Variants in ERCC3 observed in about 807,000 individuals in gnomAD.
ERCC3 encodes the protein general transcription and DNA repair factor IIH helicase/translocase subunit XPB.
ERCC3 carries 66 observed loss-of-function variants against 94.2 expected under a neutral mutation model. The observed-to-expected ratio is 0.70, with a 90% confidence interval of 0.57 to 0.86. The LOEUF (loss-of-function observed/expected upper bound fraction) is 0.86. Among genes scored for constraint, ERCC3 ranks in the 40% least tolerant of loss-of-function variants. ERCC3 has a pLI of 0.00. For missense variants in ERCC3, 829 were observed against 987.1 expected (o/e 0.84, Z 2.15); for synonymous variants, 349 against 369.1 (o/e 0.95, Z 0.63).
At position 127,274,931 on chromosome 2, in the gene ERCC3, G is replaced by A. The variant is rs1032398217; in HGVS notation, c.1731-1970C>T. Among the ~76,000 whole-genome samples, 5 of 152,266 alleles carry A rather than the reference G, an allele frequency of 3.3e-5. No homozygotes were observed. Among genetic ancestry groups the A allele is most frequent in the African/African-American group, 1.2e-4 (5 of 41,554 alleles). ...ACCCCCCACCATCAAGGGACACCAG[G>A]ACCCAGTACACATTGGGTGGCAGTA... On this transcript the variant is annotated intron_variant, in intron 10 of 14. Coordinates refer to ENST00000285398, the MANE Select transcript of ERCC3 (RefSeq NM_000122.2). The surrounding 1 kb of genome is among the most constrained non-coding windows in gnomAD (Gnocchi z 4.0).
intron 10 of ERCC3, among the ~76,000 whole-genome samples, chr2:127,278,168 G>T (rs1240866065): frequency 6.6e-6 from 1 of 151,744 alleles, no homozygotes; most frequent in Non-Finnish European, 1.5e-5. Context: ...AGCCCAGGGG[G>T]TCAAGGCTGC....
In ERCC3 at chr2:127,280,963, A is replaced by G; in HGVS notation, c.1343-332T>C. 2.0e-6 allele frequency: 1 copy of G among 489,988 alleles called. No homozygotes were observed. 30.4% of individuals were successfully genotyped at this position (489,988 alleles called of 1,614,324 possible). ...ATGACTAGGCAAATGCTTCACCATCACTTTTAGACCTGTCCAAAAGAAAAT... is the reference window on the plus strand; with the variant it reads ...ATGACTAGGCAAATGCTTCACCATCGCTTTTAGACCTGTCCAAAAGAAAAT... On this transcript the variant is annotated intron_variant, in intron 8 of 14. Coordinates refer to ENST00000285398, the MANE Select transcript of ERCC3 (RefSeq NM_000122.2). The surrounding 1 kb of genome is among the most constrained non-coding windows in gnomAD (Gnocchi z 6.3).
rs976644506 is a variant in ERCC3 at position 127,274,672 on chromosome 2, A to G, written c.1731-1711T>C. On this transcript the variant is annotated intron_variant, in intron 10 of 14. Coordinates refer to ENST00000285398, the MANE Select transcript of ERCC3 (RefSeq NM_000122.2). The surrounding 1 kb of genome is among the most constrained non-coding windows in gnomAD (Gnocchi z 4.0). ...CACATAATTTTATCATTTTCTATGC[A>G]TGTCATGCAGTGAAAAAGGTTAGAA... Among the ~76,000 whole-genome samples, 14 of 152,284 alleles carry G rather than the reference A, an allele frequency of 9.2e-5. No individual in the cohort carries two copies. Among genetic ancestry groups the G allele is most frequent in the Admixed American group, 2.6e-4 (4 of 15,304 alleles).
At chr2:127,281,846 A>G (rs1459361096) in intron 8 of ERCC3, among the ~76,000 whole-genome samples, 1 of 152,110 alleles carries the variant, frequency 6.6e-6, no homozygotes, top group Non-Finnish European at 1.5e-5. Context: ...CTGGCTCCAA[A>G]ATACAGTAGC....
chr2:127,284,227 T>C lies in ERCC3; in HGVS notation c.1342+2476A>G, dbSNP rs1426593885. Reference sequence around the variant, plus strand: ...ATTTCCAGCACAGCAGCCAGGGCAGTATTTTTACAGTGTAAAGTCAACTCA... The same window carrying C: ...ATTTCCAGCACAGCAGCCAGGGCAGCATTTTTACAGTGTAAAGTCAACTCA... On this transcript the variant is annotated intron_variant, in intron 8 of 14. Coordinates refer to ENST00000285398, the MANE Select transcript of ERCC3 (RefSeq NM_000122.2). This position sits in a 1 kb window ranked among gnomAD's most constrained non-coding sequence, Gnocchi z 4.1. 1 of 152,300 alleles carries C rather than the reference T, an allele frequency of 6.6e-6. No individual in the cohort carries two copies. Among genetic ancestry groups the C allele is most frequent in the Admixed American group, 6.5e-5 (1 of 15,290 alleles). 9.4% of individuals were successfully genotyped at this position (152,300 alleles called of 1,614,324 possible). A position where few individuals can be genotyped will look rare whatever the true frequency, so the allele number is the denominator to read the frequency against.
At chr2:127,286,158 C>T (rs767746252) in intron 8 of ERCC3, among the ~76,000 whole-genome samples, 3 of 152,056 alleles carry the variant, frequency 2.0e-5, no homozygotes, top group Non-Finnish European at 4.4e-5. Flanking sequence ...AGCTGAGCAG[C>T]AAAAGGAAGA....
chr2:127,290,373 A>AAC, intron 3 of ERCC3, 100 bp from the exon 4 acceptor site: 3 of 1,050,268 alleles, frequency 2.9e-6, no homozygotes, highest in Non-Finnish European at 4.5e-6. Flanking sequence ...TGAAAAGTTC[A>AAC]TTTTACTTTA....
chr2:127,286,931 C>T lies in ERCC3; in HGVS notation c.1114G>A (p.Glu372Lys). The change falls in exon 8 of 15, where the codon GAG becomes AAG. Residue 372 changes from glutamate (E) to lysine (K), a missense_variant. Coordinates refer to ENST00000285398, the MANE Select transcript of ERCC3 (RefSeq NM_000122.2). Reference sequence around the variant, plus strand: ...ATCTTGAACTGGGCTTTCCACTGCTCCACAGAAACAGCTGAGTTGCCCAGC... The same window carrying T: ...ATCTTGAACTGGGCTTTCCACTGCTTCACAGAAACAGCTGAGTTGCCCAGC... ...LVLGNSAVSVEQWKAQFKMWS... is the reference protein window; with the variant it reads ...LVLGNSAVSVKQWKAQFKMWS... The T allele has an allele frequency of 6.2e-7, 1 of 1,614,046 alleles. No homozygotes were observed. Among genetic ancestry groups the T allele is most frequent in the Non-Finnish European group, 8.5e-7 (1 of 1,179,918 alleles).
Position 127,261,321 on chromosome 2 carries a change from G to A in ERCC3, c.1971C>T (p.Ala657=). Residue 657 remains alanine, a synonymous_variant, in exon 13 of 15, where the codon GCC becomes GCT. Coordinates refer to ENST00000285398, the MANE Select transcript of ERCC3 (RefSeq NM_000122.2). ...KKGMVAEEYN[A]FFYSLVSQDT... Reference sequence around the variant, plus strand: ...CCTGGGATACCAGTGAGTAGAAAAAGGCATTGTACTCTTCTGCAACCATCC... The same window carrying A: ...CCTGGGATACCAGTGAGTAGAAAAAAGCATTGTACTCTTCTGCAACCATCC... The A allele has an allele frequency of 6.2e-7, 1 of 1,609,716 alleles. No individual in the cohort carries two copies. Among genetic ancestry groups the A allele is most frequent in the Non-Finnish European group, 8.5e-7 (1 of 1,175,990 alleles).
Position 127,271,489 on chromosome 2 carries a change from GA to G in ERCC3, c.1828-37del, listed in dbSNP as rs11345447. 342,710 of 1,136,722 alleles carry G rather than the reference GA, an allele frequency of 0.3. 41,216 individuals are homozygous for G. Among genetic ancestry groups the G allele is most frequent in the South Asian group, 0.46 (33,420 of 73,436 alleles). 70.4% of individuals were successfully genotyped at this position (1,136,722 alleles called of 1,614,324 possible). ...AAGTTGGAAGGTTTTTATATATGAGGAAAAAAAAAAAGTCAACTGATCCAGA... is the reference window on the plus strand; with the variant it reads ...AAGTTGGAAGGTTTTTATATATGAGGAAAAAAAAAAGTCAACTGATCCAGA... On this transcript the variant is annotated intron_variant, in intron 11 of 14. Transcript: ENST00000285398. The surrounding 1 kb of genome is among the most constrained non-coding windows in gnomAD (Gnocchi z 5.0).
At chr2:127,286,606 AGTTGG>A in intron 8 of ERCC3, 92 bp downstream of exon 8, 1 of 1,158,712 alleles carries the variant, frequency 8.6e-7, no homozygotes, top group Admixed American at 1.7e-5. Flanking sequence ...CTTTCTAGCC[AGTTGG>A]GTGGGCTACA....
chr2:127,288,391 C>A (rs4150418), intron 7 of ERCC3, among the ~76,000 whole-genome samples: 1 of 152,206 alleles, frequency 6.6e-6, no homozygotes, highest in Non-Finnish European at 1.5e-5. Flanking sequence ...AGGTTGTACA[C>A]ATCTGCTTAC....
At chr2:127,289,860 A>C (rs777990629) in intron 4 of ERCC3, 36 bp from the exon 5 acceptor site, 2 of 1,612,984 alleles carry the variant, frequency 1.2e-6, no homozygotes, top group South Asian at 2.2e-5. Flanking sequence ...TCTACTGACC[A>C]GCAGGTACCT....
Position 127,259,587 on chromosome 2 carries a change from T to C in ERCC3, c.2065-139A>G. On this transcript the variant is annotated intron_variant, in intron 13 of 14. Coordinates refer to ENST00000285398, the MANE Select transcript of ERCC3 (RefSeq NM_000122.2). This position sits in a 1 kb window ranked among gnomAD's most constrained non-coding sequence, Gnocchi z 4.9. Reference sequence around the variant, plus strand: ...CTGGTGGCCAACAATGGAGAGCTCCTCCCTAGCATTCCAGAGACCAGCATC... The same window carrying C: ...CTGGTGGCCAACAATGGAGAGCTCCCCCCTAGCATTCCAGAGACCAGCATC... 1 of 1,049,930 alleles carries C rather than the reference T, an allele frequency of 9.5e-7. No individual in the cohort carries two copies. The highest frequency in any genetic ancestry group is 2.4e-5 in the East Asian group (1 of 42,176). 65.0% of individuals were successfully genotyped at this position (1,049,930 alleles called of 1,614,324 possible).
At chr2:127,270,543 C>G (rs1684514503) in intron 12 of ERCC3, among the ~76,000 whole-genome samples, 1 of 152,206 alleles carries the variant, frequency 6.6e-6, no homozygotes. Flanking sequence ...GCTTCTTAAA[C>G]ACATCTGAAC....
At chr2:127,281,212 G>A (rs1684899124) in intron 8 of ERCC3, among the ~76,000 whole-genome samples, 2 of 152,158 alleles carry the variant, frequency 1.3e-5, no homozygotes, top group African/African-American at 4.8e-5. Context: ...GGGAGAGGAA[G>A]AAATGAAAGA....
At chr2:127,278,199 C>T (rs1684793249) in intron 10 of ERCC3, among the ~76,000 whole-genome samples, 1 of 149,656 alleles carries the variant, frequency 6.7e-6, no homozygotes, top group Non-Finnish European at 1.5e-5. Context: ...GATTACACCA[C>T]TGCACTACAG....
chr2:127,259,060 T>G lies in ERCC3; in HGVS notation c.2217+236A>C, dbSNP rs560275782. Among the ~76,000 whole-genome samples the G allele has an allele frequency of 1.1e-4, 16 of 152,282 alleles. No individual in the cohort carries two copies. Among genetic ancestry groups the G allele is most frequent in the Non-Finnish European group, 1.5e-4 (10 of 68,016 alleles). On this transcript the variant is annotated intron_variant, in intron 14 of 14. Transcript: ENST00000285398. The surrounding 1 kb of genome is among the most constrained non-coding windows in gnomAD (Gnocchi z 4.9). The stretch of plus-strand genomic sequence containing the variant: ...CATCAAGATTTAACAAATACTCGTG[T>G]GAGCAAAGCAGGAGACCAGTCACAG...
chr2:127,261,664 T>A, intron 12 of ERCC3: 1 of 353,156 alleles, frequency 2.8e-6, no homozygotes, highest in East Asian at 6.8e-5. Context: ...GAGAGAAGAA[T>A]ATGAACAGAT....
Sources: gnomAD v4.1 joint callset for allele counts (sites outside exome capture counted in the v4.1 genomes callset) on GRCh38, gnomAD v4.1.1 for gene constraint, Gnocchi (gnomAD v3.1) non-coding constraint, MANE v1.5 for transcripts, NCBI Gene and HGNC (gene_info 2026-07-23, HGNC 2026-07-21) for gene names.